The following ARHGAP42 variants were observed in gnomAD, a reference collection of about 807,000 sequenced individuals.
ARHGAP42 encodes the protein rho GTPase-activating protein 42.
In ARHGAP42, 63 loss-of-function variants were observed where a neutral mutation model predicts 125.0. That is an observed-to-expected ratio of 0.50 (90% CI 0.41 to 0.62). The LOEUF (loss-of-function observed/expected upper bound fraction) is 0.62. Among genes scored for constraint, ARHGAP42 ranks in the 20% least tolerant of loss-of-function variants. The pLI is 0.00. For synonymous variants in ARHGAP42, 339 were observed against 351.0 expected (o/e 0.97, Z 0.38); for missense variants, 766 against 1,024.2 (o/e 0.75, Z 3.44).
At chr11:100,920,890 A>G (rs1167170032) in intron 5 of ARHGAP42, among the ~76,000 whole-genome samples, 1 of 151,978 alleles carries the variant, frequency 6.6e-6, no homozygotes, top group Non-Finnish European at 1.5e-5. Flanking sequence ...CTCCTGCTTA[A>G]TATTCTTAGA....
intron 1 of ARHGAP42, among the ~76,000 whole-genome samples, chr11:100,759,338 G>A (rs965621994): frequency 6.6e-6 from 1 of 152,078 alleles, no homozygotes; most frequent in African/African-American, 2.4e-5. Context: ...ATAGCTAGGG[G>A]CAAGCCTGTG....
rs531356109 is a variant in ARHGAP42 at position 100,893,351 on chromosome 11, T to A, written c.385-20101T>A. On this transcript the variant is annotated intron_variant, in intron 4 of 23. Coordinates refer to ENST00000298815, the MANE Select transcript of ARHGAP42 (RefSeq NM_152432.4). ...TATTTGAAGTATAGGAAAGAACAAA[T>A]AGATAATGCTTCTTCTTAGCCTTTG... Among the ~76,000 whole-genome samples, 6 of 152,256 alleles carry A rather than the reference T, an allele frequency of 3.9e-5. 1 individual carries two copies. In the East Asian group the frequency reaches 7.7e-4, roughly 20 times the overall value.
At chr11:100,801,687 G>T (rs191418886) in intron 3 of ARHGAP42, among the ~76,000 whole-genome samples, 2 of 152,096 alleles carry the variant, frequency 1.3e-5, no homozygotes, top group African/African-American at 4.8e-5. Flanking sequence ...CAACAAAAAA[G>T]CACCTGAGAA....
At chr11:100,913,778 T>A (rs900039902) in intron 5 of ARHGAP42, among the ~76,000 whole-genome samples, 5 of 151,854 alleles carry the variant, frequency 3.3e-5, no homozygotes, top group Non-Finnish European at 7.4e-5. Context: ...TGAAACAAGA[T>A]CTTTCACTTT....
intron 12 of ARHGAP42, among the ~76,000 whole-genome samples, chr11:100,957,500 T>C (rs1157964597): frequency 2.6e-5 from 4 of 152,088 alleles, no homozygotes; most frequent in Non-Finnish European, 5.9e-5. Flanking sequence ...GAGCTGAGAA[T>C]TGGCCTTAGG....
chr11:100,745,140 G>C (rs943993070), intron 1 of ARHGAP42, among the ~76,000 whole-genome samples: 2 of 152,212 alleles, frequency 1.3e-5, no homozygotes, highest in Admixed American at 1.3e-4. Flanking sequence ...ATAAGTCAGG[G>C]TGGAGAAGGT....
intron 3 of ARHGAP42, among the ~76,000 whole-genome samples, chr11:100,834,615 A>G (rs2135099792): frequency 6.6e-6 from 1 of 152,280 alleles, no homozygotes; most frequent in South Asian, 2.1e-4. Context: ...AGTGGGCATC[A>G]GAAGTTTGAG....
intron 8 of ARHGAP42, among the ~76,000 whole-genome samples, chr11:100,939,228 C>T (rs1867813748): frequency 6.6e-6 from 1 of 151,986 alleles, no homozygotes; most frequent in African/African-American, 2.4e-5. Context: ...TGACTTGTGC[C>T]AATAGTTTTC....
At chr11:100,899,922 G>A (rs1006049018) in intron 4 of ARHGAP42, among the ~76,000 whole-genome samples, 1 of 151,874 alleles carries the variant, frequency 6.6e-6, no homozygotes, top group Non-Finnish European at 1.5e-5. Context: ...TGTTAATATT[G>A]TTATATGTGA....
intron 9 of ARHGAP42, among the ~76,000 whole-genome samples, 178 bp from the exon 10 acceptor site, chr11:100,943,581 T>G (rs1867938241): frequency 6.6e-6 from 1 of 152,184 alleles, no homozygotes; most frequent in African/African-American, 2.4e-5. Context: ...ATTAAATGGT[T>G]TTATGTATTA....
chr11:100,859,668 A>G, intron 4 of ARHGAP42, 43 bp downstream of exon 4: 2 of 1,319,460 alleles, frequency 1.5e-6, no homozygotes, highest in Non-Finnish European at 2.0e-6. Flanking sequence ...TCTCCTGATA[A>G]TTAAAGATGA....
At chr11:100,814,337 TG>T (rs1864214011) in intron 3 of ARHGAP42, among the ~76,000 whole-genome samples, 1 of 136,686 alleles carries the variant, frequency 7.3e-6, no homozygotes, top group South Asian at 2.3e-4. Context: ...CACTCCAACC[TG>T]GCGACAGAGC....
At chr11:100,827,340 A>G (rs999911346) in intron 3 of ARHGAP42, among the ~76,000 whole-genome samples, 1 of 152,134 alleles carries the variant, frequency 6.6e-6, no homozygotes, top group African/African-American at 2.4e-5. Flanking sequence ...GGGACCTTCA[A>G]TGGAATCACT....
chr11:100,759,449 T>A (rs1356840100), intron 1 of ARHGAP42, among the ~76,000 whole-genome samples: 1 of 152,172 alleles, frequency 6.6e-6, no homozygotes, highest in African/African-American at 2.4e-5. Context: ...TTCAGTTCTG[T>A]TTATTGACAG....
chr11:100,870,510 G>A (rs563500510), intron 4 of ARHGAP42, among the ~76,000 whole-genome samples: 2 of 152,224 alleles, frequency 1.3e-5, no homozygotes, highest in Admixed American at 6.5e-5. Context: ...ATTGCTATAC[G>A]CATTACTATT....
intron 6 of ARHGAP42, among the ~76,000 whole-genome samples, chr11:100,930,694 C>T (rs533041193): frequency 6.6e-6 from 1 of 152,204 alleles, no homozygotes; most frequent in Admixed American, 6.5e-5. Context: ...TTTTTTAGAA[C>T]ATGATTAAGA....
intron 3 of ARHGAP42, among the ~76,000 whole-genome samples, chr11:100,802,527 T>A (rs958459430): frequency 1.3e-5 from 2 of 150,870 alleles, no homozygotes; most frequent in Non-Finnish European, 2.9e-5. Context: ...CAGGTTAAAG[T>A]GATTTTCGTG....
At chr11:100,740,976 C>CT (rs1179584708) in intron 1 of ARHGAP42, among the ~76,000 whole-genome samples, 2 of 152,132 alleles carry the variant, frequency 1.3e-5, no homozygotes, top group Non-Finnish European at 2.9e-5. Context: ...ATTTATTTGA[C>CT]TGACTGTAAG....
chr11:100,987,762 C>G (rs576098312), intron 23 of ARHGAP42, among the ~76,000 whole-genome samples, 170 bp downstream of exon 23: 1 of 151,956 alleles, frequency 6.6e-6, no homozygotes, highest in African/African-American at 2.4e-5. Context: ...TGGCATGCAT[C>G]TGTAGTCCCA....
Sources: allele counts gnomAD v4.1 joint callset (sites outside exome capture counted in the v4.1 genomes callset), GRCh38; gene constraint gnomAD v4.1.1; transcripts MANE v1.5; gene names NCBI Gene and HGNC (gene_info 2026-07-23, HGNC 2026-07-21).